CCDC32: variants seen among roughly 807,000 people sequenced by gnomAD.
CCDC32 encodes coiled-coil domain containing 32.
Under a neutral mutation model 20.1 loss-of-function variants are expected in CCDC32, and 9 were observed. The observed-to-expected ratio is 0.45, with a 90% CI of 0.27 to 0.78. The LOEUF is 0.78. Among genes scored for constraint, CCDC32 ranks in the 30% least tolerant of loss-of-function variants. The probability of loss-of-function intolerance (pLI) is 0.16; values close to 1 mark genes in which losing one functional copy is unlikely to be tolerated. For synonymous variants in CCDC32, 63 were observed against 79.0 expected (o/e 0.80, Z 1.07); for missense variants, 204 against 215.5 (o/e 0.95, Z 0.33).
At chr15:40,539,123 GC>G (rs1442317528), downstream of CCDC32, 18 of 842,418 alleles carry the variant, frequency 2.1e-5, no homozygotes, top group East Asian at 4.0e-4. Context: ...TGAGGGCTGG[GC>G]CAGAGGGAAG....
chr15:40,534,657 A>G (rs961118221), downstream of CCDC32: 6 of 478,098 alleles, frequency 1.3e-5, no homozygotes, highest in Admixed American at 3.5e-5. Context: ...CAGCCAAACC[A>G]TATCACCAAC....
At chr15:40,554,185 A>G (rs1489173189) in intron 3 of CCDC32, 58 bp from the exon 4 acceptor site, 2 of 1,554,710 alleles carry the variant, frequency 1.3e-6, no homozygotes, top group Non-Finnish European at 1.7e-6. Flanking sequence ...TAATTACTTA[A>G]TGATTATCTC....
chr15:40,527,226 A>G (rs1472577346), downstream of CCDC32, among the ~76,000 whole-genome samples: 2 of 151,578 alleles, frequency 1.3e-5, no homozygotes, highest in African/African-American at 2.4e-5. Context: ...GCTAGAGTGC[A>G]GTGGCACGAT....
chr15:40,557,091 C>T (rs1030872928), intron 3 of CCDC32, 125 bp downstream of exon 3: 42 of 1,068,200 alleles, frequency 3.9e-5, no homozygotes, highest in East Asian at 2.0e-4. Flanking sequence ...GTGACCAACA[C>T]GTAGCTGCAG....
Position 40,562,952 on chromosome 15 carries a change from T to C in CCDC32, c.64A>G (p.Ile22Val). ...TRSGQDLWAE[I>V]CSCLPNPEQE... ...TCAGGATTTGGCAGACAGGAACAAA[T>C]TTCAGCCCAGAGATCCTGGCCAGAT... is the stretch of plus-strand genomic sequence containing the variant. Residue 22 changes from isoleucine to valine, a missense_variant, in exon 2 of 4, where the codon ATT becomes GTT. By Grantham distance (29) the Ile-to-Val change is conservative. Transcript: ENST00000416810. 6.2e-7 allele frequency: 1 copy of C among 1,614,208 alleles called. No homozygotes were observed. The highest frequency in any genetic ancestry group is 8.5e-7 in the Non-Finnish European group (1 of 1,180,040).
At position 40,544,920 on chromosome 15, in the gene CCDC32, T is replaced by C. The variant is rs192058591; in HGVS notation, c.402-5565A>G. On this transcript the variant is annotated intron_variant, in intron 3 of 3. Transcript: ENST00000558113. ...TACTTTGTCCCATCACTCTAGTCTA[T>C]AGAAAAATTTTAGAATTGTTATTCT... 1.1e-4 allele frequency among the ~76,000 whole-genome samples: 17 copies of C among 152,364 alleles called. No individual in the cohort carries two copies. The East Asian group carries it at 3.3e-3, about 29-fold the overall frequency.
Position 40,557,210 on chromosome 15 carries a change from G to T in CCDC32, c.401+6C>A, listed in dbSNP as rs1465701767. The T allele has an allele frequency of 1.9e-6, 3 of 1,607,182 alleles. No homozygotes were observed. Among genetic ancestry groups the T allele is most frequent in the South Asian group, 1.1e-5 (1 of 89,530 alleles). On this transcript the variant is annotated splice_donor_region_variant and intron_variant, in intron 3 of 3. Transcript: ENST00000416810. ...TTCAGCTGGAACTAGACGGGGAATC[G>T]ATTACCTCTCATCAGAATCAAGTCC...
intron 3 of CCDC32, chr15:40,528,833 C>T (rs1270755276): frequency 5.8e-6 from 4 of 688,908 alleles, no homozygotes; most frequent in Admixed American, 4.3e-5. Flanking sequence ...AAGAAAACCC[C>T]TCAACAGTCC....
At chr15:40,543,626 T>C (rs180952000) in intron 3 of CCDC32, among the ~76,000 whole-genome samples, 332 of 152,320 alleles carry the variant, frequency 2.2e-3, no homozygotes, top group Non-Finnish European at 3.6e-3. Flanking sequence ...AGCTAATTTT[T>C]GTATTTTTAG....
chr15:40,549,427 C>T (rs888554916), downstream of CCDC32, among the ~76,000 whole-genome samples: 2 of 152,092 alleles, frequency 1.3e-5, no homozygotes, highest in Non-Finnish European at 2.9e-5. Flanking sequence ...TCTTCTATTT[C>T]CTCTCACTCC....
In CCDC32 at chr15:40,557,560, TC is replaced by T. The variant is rs57477647; in HGVS notation, c.245-189del. On this transcript the variant is annotated intron_variant, in intron 2 of 3. Coordinates refer to ENST00000416810, the MANE Select transcript of CCDC32 (RefSeq NM_001080792.4). ...CATTCTTCCTTTTTCCTTCACAAAG[TC>T]CTCACCCTGCATTGTATCAAATAAA... 3 of 543,126 alleles carry T rather than the reference TC, an allele frequency of 5.5e-6. No individual in the cohort carries two copies. The East Asian group carries it at 9.6e-5, about 17-fold the overall frequency. The allele number at this position is 543,126 out of a possible 1,614,324, so 33.6% of individuals were successfully genotyped here.
intron 2 of CCDC32, among the ~76,000 whole-genome samples, chr15:40,562,515 G>C (rs778986194): frequency 6.6e-6 from 1 of 152,128 alleles, no homozygotes; most frequent in Non-Finnish European, 1.5e-5. Flanking sequence ...GGGAGGTGGA[G>C]GTTGCCATGA....
chr15:40,541,793 G>A (rs1192427093), intron 3 of CCDC32, among the ~76,000 whole-genome samples: 2 of 152,170 alleles, frequency 1.3e-5, no homozygotes, highest in African/African-American at 4.8e-5. Context: ...CAAGGTACAC[G>A]TTCAGAGAAC....
downstream of CCDC32, among the ~76,000 whole-genome samples, chr15:40,548,574 C>T (rs972397922): frequency 2.0e-5 from 3 of 152,124 alleles, no homozygotes; most frequent in Non-Finnish European, 4.4e-5. Flanking sequence ...CTTGGTGTCA[C>T]CTGGGACAGC....
At chr15:40,551,809 CAAAAAAAAAAAAA>C (rs59499493), downstream of CCDC32, among the ~76,000 whole-genome samples, 195 of 96,340 alleles carry the variant, frequency 2.0e-3, no homozygotes, top group Non-Finnish European at 2.3e-3. Context: ...GACCCTGTCT[CAAAAAAAAAAAAA>C]AAAAAAAAAA....
downstream of CCDC32, chr15:40,539,103 C>T: frequency 1.4e-6 from 1 of 705,480 alleles, no homozygotes; most frequent in Non-Finnish European, 2.4e-6. Flanking sequence ...TCAGCCCAGC[C>T]CAGAAGCCCT....
chr15:40,555,233 A>G (rs1595891865), intron 3 of CCDC32, among the ~76,000 whole-genome samples: 2 of 152,262 alleles, frequency 1.3e-5, no homozygotes, highest in Admixed American at 6.5e-5. Context: ...CTCACAGCTC[A>G]GGGGAATCAG....
chr15:40,539,315 C>T (rs1889271418), exon 4 of CCDC32: 6 of 1,535,492 alleles, frequency 3.9e-6, no homozygotes, highest in Non-Finnish European at 5.2e-6. Flanking sequence ...GCTCCATCCT[C>T]AGAAAAGCTG....
downstream of CCDC32, among the ~76,000 whole-genome samples, chr15:40,530,454 C>G (rs180862634): frequency 2.0e-4 from 30 of 150,438 alleles, 1 homozygote; most frequent in African/African-American, 7.3e-4. Context: ...TTTAAAAGAG[C>G]CTGGCACCTC....
Sources: gnomAD v4.1 joint callset for allele counts (sites outside exome capture counted in the v4.1 genomes callset) on GRCh38, gnomAD v4.1.1 for gene constraint, MANE v1.5 for transcripts, NCBI Gene and HGNC (gene_info 2026-07-23, HGNC 2026-07-21) for gene names.